Variants in RIC3 observed in about 807,000 individuals in gnomAD.
RIC3 encodes RIC3 acetylcholine receptor chaperone.
RIC3 carries 28 observed loss-of-function variants against 27.3 expected under a neutral mutation model. The ratio of observed to expected loss-of-function variants is 1.02; its 90% confidence interval spans 0.76 to 1.41. The LOEUF (loss-of-function observed/expected upper bound fraction) is 1.41, where lower values mean the gene tolerates loss of function less well. RIC3 is among the 40% of genes most tolerant of loss of function. The pLI is 0.00. For missense variants in RIC3, 501 were observed against 444.7 expected (o/e 1.13, Z -1.14); for synonymous variants, 184 against 160.4 (o/e 1.15, Z -1.11).
At chr11:8,166,224 G>C (rs1951683462) in intron 1 of RIC3, among the ~76,000 whole-genome samples, 1 of 152,094 alleles carries the variant, frequency 6.6e-6, no homozygotes, top group Non-Finnish European at 1.5e-5. Context: ...TTTATCTGTT[G>C]ACATGTCTAC....
Position 8,126,753 on chromosome 11 carries a change from T to C in RIC3, c.576A>G (p.Arg192=), listed in dbSNP as rs752761029. ...CTTCTTTCATGACCCTGGTGATTTC[T>C]CGGAGCTGATGTAGCAACCGTTTCT... is the stretch of plus-strand genomic sequence containing the variant. ...DQEKRLLHQL[R]EITRVMKEGK... Residue 192 remains arginine (R), a synonymous_variant, in exon 5 of 6, where the codon CGA becomes CGG. Coordinates refer to ENST00000309737, the MANE Select transcript of RIC3 (RefSeq NM_001206671.4). 6 of 1,614,042 alleles carry C rather than the reference T, an allele frequency of 3.7e-6. No individual in the cohort carries two copies. In the East Asian group the frequency reaches 1.3e-4, roughly 36 times the overall value.
chr11:8,096,718 A>G, the RIC3 span: 3 of 1,613,272 alleles, frequency 1.9e-6, no homozygotes, highest in South Asian at 2.2e-5. Context: ...GACGAGGATG[A>G]GGAGGATGAG....
chr11:8,101,463 T>TGC (rs1564928335), downstream of RIC3: 1 of 1,557,066 alleles, frequency 6.4e-7, no homozygotes, highest in Admixed American at 1.9e-5. Flanking sequence ...CTTTTCTCTG[T>TGC]CTGTGCCTGT....
intron 5 of RIC3, 91 bp from the exon 6 acceptor site, chr11:8,111,228 C>T (rs770129623): frequency 5.3e-5 from 49 of 920,928 alleles, no homozygotes; most frequent in Non-Finnish European, 1.5e-5. Flanking sequence ...TCTCAGGCAG[C>T]AGCCATCCTA....
chr11:8,142,405 G>A (rs1209985556), intron 1 of RIC3, among the ~76,000 whole-genome samples: 36 of 151,532 alleles, frequency 2.4e-4, no homozygotes, highest in Non-Finnish European at 2.9e-4. Flanking sequence ...ACACCTCTAC[G>A]CAAAAAAACT....
intron 5 of RIC3, 23 bp from the exon 6 acceptor site, chr11:8,111,160 G>T: frequency 2.0e-6 from 3 of 1,473,740 alleles, no homozygotes; most frequent in Non-Finnish European, 1.8e-6. Context: ...GTAGCACAAA[G>T]TATTACAAAG....
intron 1 of RIC3, among the ~76,000 whole-genome samples, chr11:8,166,308 A>G (rs557140485): frequency 6.6e-6 from 1 of 152,326 alleles, no homozygotes; most frequent in Admixed American, 6.5e-5. Flanking sequence ...TAGTGTCTAT[A>G]CACTATGTGC....
At chr11:8,098,408 CG>C in the RIC3 span, among the ~76,000 whole-genome samples, 2 of 152,170 alleles carry the variant, frequency 1.3e-5, no homozygotes, top group Admixed American at 1.3e-4. Context: ...CCTCTCTCCA[CG>C]GGTGCTAAGC....
intron 5 of RIC3, 60 bp from the exon 6 acceptor site, chr11:8,111,197 AGTGTCAGGTTC>A: frequency 1.7e-6 from 2 of 1,186,600 alleles, no homozygotes; most frequent in Non-Finnish European, 2.4e-6. Context: ...AAAAAAAAAT[AGTGTCAGGTTC>A]AAAGAGGATT....
chr11:8,139,824 C>T, intron 2 of RIC3, 143 bp downstream of exon 2: 1 of 711,520 alleles, frequency 1.4e-6, no homozygotes, highest in Non-Finnish European at 2.3e-6. Context: ...ATCCTAAGTA[C>T]CTCATGAAGA....
intron 5 of RIC3, 124 bp downstream of exon 5, chr11:8,126,535 T>A (rs922460827): frequency 8.8e-7 from 1 of 1,138,468 alleles, no homozygotes; most frequent in African/African-American, 1.6e-5. Context: ...CAACCGTACA[T>A]TTAAAACTGG....
At chr11:8,117,548 G>T (rs896605828) in intron 5 of RIC3, among the ~76,000 whole-genome samples, 2 of 152,200 alleles carry the variant, frequency 1.3e-5, no homozygotes, top group African/African-American at 4.8e-5. Context: ...AAGCTAGGGG[G>T]ATCAGGGAAA....
chr11:8,129,331 G>C (rs1038884747), intron 4 of RIC3, among the ~76,000 whole-genome samples: 1 of 151,984 alleles, frequency 6.6e-6, no homozygotes, highest in African/African-American at 2.4e-5. Context: ...CCCTCAGGAA[G>C]TTGACCCAGT....
At chr11:8,122,407 T>C (rs1946554847) in intron 5 of RIC3, among the ~76,000 whole-genome samples, 1 of 151,948 alleles carries the variant, frequency 6.6e-6, no homozygotes, top group Non-Finnish European at 1.5e-5. Context: ...TCTAGGTTGT[T>C]GTATATATAG....
intron 3 of RIC3, 82 bp from the exon 4 acceptor site, chr11:8,137,553 A>G (rs1231041865): frequency 2.9e-6 from 3 of 1,031,974 alleles, no homozygotes; most frequent in Admixed American, 2.0e-5. Flanking sequence ...TTAAAAAGCT[A>G]TTGTACTGTC....
chr11:8,141,981 G>C (rs1392547451), intron 1 of RIC3, among the ~76,000 whole-genome samples: 1 of 150,844 alleles, frequency 6.6e-6, no homozygotes, highest in African/African-American at 2.5e-5. Context: ...AAACCAACGA[G>C]AACAAAGACA....
At chr11:8,164,075 G>T (rs1951447179) in intron 1 of RIC3, among the ~76,000 whole-genome samples, 1 of 152,164 alleles carries the variant, frequency 6.6e-6, no homozygotes, top group East Asian at 1.9e-4. Flanking sequence ...TGACATGGGT[G>T]CCAGAACAAT....
downstream of RIC3, chr11:8,102,983 T>A (rs1326936482): frequency 2.0e-5 from 3 of 152,240 alleles, no homozygotes; most frequent in Non-Finnish European, 1.5e-5. Context: ...AGTTGATAAA[T>A]TAGATTGAAA....
At chr11:8,143,716 G>A (rs1287359624) in intron 1 of RIC3, among the ~76,000 whole-genome samples, 9 of 152,018 alleles carry the variant, frequency 5.9e-5, no homozygotes, top group East Asian at 1.9e-4. Context: ...AGCCCGCATC[G>A]CCAAGGCAAT....
Sources: gnomAD v4.1 joint callset for allele counts (sites outside exome capture counted in the v4.1 genomes callset) on GRCh38, gnomAD v4.1.1 for gene constraint, MANE v1.5 for transcripts, NCBI Gene and HGNC (gene_info 2026-07-23, HGNC 2026-07-21) for gene names.